The following B3GALT1 variants were observed in gnomAD, a reference collection of about 807,000 sequenced individuals.
The protein encoded by B3GALT1 is UDP-Gal:betaGlcNAc beta 1,3-galactosyltransferase, polypeptide 1.
A neutral mutation model predicts 23.2 loss-of-function variants in B3GALT1; 10 were observed. That is an observed-to-expected ratio of 0.43 (90% confidence interval 0.27 to 0.73). The LOEUF is 0.73. Among genes scored for constraint, B3GALT1 ranks in the 30% least tolerant of loss-of-function variants. The pLI, the probability that B3GALT1 is intolerant of heterozygous loss-of-function variation, is 0.21. For missense variants in B3GALT1, 299 were observed against 405.4 expected (o/e 0.74, Z 2.25); for synonymous variants, 156 against 141.5 (o/e 1.10, Z -0.73).
intron 2 of B3GALT1, among the ~76,000 whole-genome samples, chr2:167,595,970 G>T (rs1422496248): frequency 6.6e-6 from 1 of 152,144 alleles, no homozygotes; most frequent in African/African-American, 2.4e-5. Context: ...TAAGAGAAAG[G>T]CAAAGCTCCT....
At chr2:167,661,058 C>T (rs888042147) in intron 3 of B3GALT1, among the ~76,000 whole-genome samples, 3 of 152,106 alleles carry the variant, frequency 2.0e-5, no homozygotes, top group African/African-American at 7.2e-5. Flanking sequence ...ACACTGTAAT[C>T]TCTGGATTTT....
intron 3 of B3GALT1, among the ~76,000 whole-genome samples, chr2:167,760,778 T>C (rs1450592514): frequency 1.3e-5 from 2 of 152,198 alleles, no homozygotes; most frequent in Non-Finnish European, 2.9e-5. Context: ...AGCTACCTAC[T>C]AAGTGGAACT....
intron 3 of B3GALT1, among the ~76,000 whole-genome samples, chr2:167,785,228 G>A (rs990609879): frequency 6.6e-6 from 1 of 152,180 alleles, no homozygotes; most frequent in Non-Finnish European, 1.5e-5. Flanking sequence ...TCGAAAGACT[G>A]GATCTGAGTT....
intron 3 of B3GALT1, among the ~76,000 whole-genome samples, chr2:167,752,962 C>T (rs903672985): frequency 2.0e-5 from 3 of 152,164 alleles, no homozygotes; most frequent in Admixed American, 1.3e-4. Flanking sequence ...GATAACTCTG[C>T]ATGTGAATAG....
At chr2:167,696,336 T>C (rs975342044) in intron 3 of B3GALT1, among the ~76,000 whole-genome samples, 13 of 147,646 alleles carry the variant, frequency 8.8e-5, no homozygotes, top group African/African-American at 1.2e-4. Flanking sequence ...CTGTCAAAGC[T>C]ATCAAGAGGA....
intron 4 of B3GALT1, among the ~76,000 whole-genome samples, chr2:167,827,876 T>C (rs555448972): frequency 6.6e-6 from 1 of 152,208 alleles, no homozygotes; most frequent in Non-Finnish European, 1.5e-5. Context: ...CACTGAGCCC[T>C]AGAGAGACTG....
chr2:167,325,646 G>C (rs1308086913), intron 1 of B3GALT1, among the ~76,000 whole-genome samples: 1 of 151,058 alleles, frequency 6.6e-6, no homozygotes, highest in Non-Finnish European at 1.5e-5. Flanking sequence ...AAGTGGGATT[G>C]CTGGATTGTA....
intron 1 of B3GALT1, among the ~76,000 whole-genome samples, chr2:167,367,925 C>G (rs897665300): frequency 1.4e-4 from 21 of 152,268 alleles, no homozygotes; most frequent in African/African-American, 4.8e-4. Context: ...AACAGGACTT[C>G]AAAAGCAAGA....
At chr2:167,338,884 C>T (rs1697102702) in intron 1 of B3GALT1, among the ~76,000 whole-genome samples, 1 of 151,898 alleles carries the variant, frequency 6.6e-6, no homozygotes, top group Non-Finnish European at 1.5e-5. Context: ...TATAAAAATC[C>T]TCCAATAAAT....
intron 3 of B3GALT1, among the ~76,000 whole-genome samples, chr2:167,797,679 A>G (rs773753033): frequency 6.6e-6 from 1 of 151,280 alleles, no homozygotes; most frequent in Non-Finnish European, 1.5e-5. Flanking sequence ...TCTGACTGGT[A>G]TGAGATGTAT....
intron 3 of B3GALT1, among the ~76,000 whole-genome samples, chr2:167,694,052 G>A (rs982463943): frequency 2.0e-5 from 3 of 152,078 alleles, no homozygotes; most frequent in African/African-American, 7.2e-5. Flanking sequence ...AAGCTATGGT[G>A]ACTGGAGCAG....
intron 3 of B3GALT1, among the ~76,000 whole-genome samples, chr2:167,660,466 T>C (rs140484695): frequency 6.6e-6 from 1 of 152,210 alleles, no homozygotes; most frequent in Admixed American, 6.5e-5. Flanking sequence ...ATTGCAAAGG[T>C]ACTGTGAGGG....
intron 1 of B3GALT1, among the ~76,000 whole-genome samples, chr2:167,383,193 CT>C (rs75009286): frequency 0.027 from 3,620 of 134,420 alleles, 39 homozygotes; most frequent in African/African-American, 0.043. Context: ...TGTGCAGTGC[CT>C]TTTTTTTTTT....
chr2:167,869,520 A>G lies in B3GALT1; in HGVS notation c.481A>G (p.Arg161Gly). 1.9e-6 allele frequency: 3 copies of G among 1,614,094 alleles called. No individual in the cohort carries two copies. The highest frequency in any genetic ancestry group is 1.7e-6 in the Non-Finnish European group (2 of 1,180,040). Residue 161 changes from arginine (R) to glycine (G), a missense_variant, in exon 5 of 5, where the codon AGA becomes GGA. Physicochemically the swap from Arg to Gly is moderately radical, Grantham distance 125. Around this residue, in one of 3 missense-constraint regions of B3GALT1, gnomAD observed 4 missense variants for 16.5 expected, o/e 0.24. Coordinates refer to ENST00000392690, the MANE Select transcript of B3GALT1 (RefSeq NM_020981.4). The surrounding 1 kb of genome is among the most constrained non-coding windows in gnomAD (Gnocchi z 6.4). ...TACCCTCAAAACATTAATGGGGATG[A>G]GATGGGTGGCCACTTTTTGTTCAAA... is the stretch of plus-strand genomic sequence containing the variant. The part of the protein sequence containing the change: ...NLTLKTLMGM[R>G]WVATFCSKAK...
chr2:167,614,517 A>C (rs1685123475), intron 2 of B3GALT1, among the ~76,000 whole-genome samples: 1 of 151,942 alleles, frequency 6.6e-6, no homozygotes, highest in Non-Finnish European at 1.5e-5. Context: ...CAAAGTTCTT[A>C]GAAAAAATGT....
chr2:167,577,981 T>A (rs1684413924), intron 2 of B3GALT1, among the ~76,000 whole-genome samples: 1 of 151,974 alleles, frequency 6.6e-6, no homozygotes, highest in Admixed American at 6.6e-5. Context: ...ATTGAGTATA[T>A]TAAAATCTTG....
In B3GALT1 at chr2:167,723,197, A is replaced by T. The variant is rs13389262; in HGVS notation, c.-352+76231A>T. On this transcript the variant is annotated intron_variant, in intron 3 of 4. Coordinates refer to ENST00000392690, the MANE Select transcript of B3GALT1 (RefSeq NM_020981.4). ...AAAGAAATAAAGCACAGCAGGTGAC[A>T]TGTTTAAACTACCTGAGAGAACAGA... is the stretch of plus-strand genomic sequence containing the variant. Among the ~76,000 whole-genome samples the T allele has an allele frequency of 2.6e-5, 4 of 152,062 alleles. No homozygotes were observed. The East Asian group carries it at 7.7e-4, about 29-fold the overall frequency.
chr2:167,475,801 A>G (rs1006402090), intron 1 of B3GALT1, among the ~76,000 whole-genome samples: 1 of 152,104 alleles, frequency 6.6e-6, no homozygotes, highest in Non-Finnish European at 1.5e-5. Flanking sequence ...TTGCGATCTA[A>G]GTAAAGGCAG....
intron 3 of B3GALT1, among the ~76,000 whole-genome samples, chr2:167,763,633 G>A (rs528809850): frequency 6.9e-6 from 1 of 144,972 alleles, no homozygotes; most frequent in Non-Finnish European, 1.5e-5. Flanking sequence ...AGAGGTTGCA[G>A]CGACCCGAGA....
Sources: gnomAD v4.1 joint callset for allele counts (sites outside exome capture counted in the v4.1 genomes callset) on GRCh38, gnomAD v4.1.1 for gene constraint, gnomAD v4.1.1 regional missense constraint, Gnocchi (gnomAD v3.1) non-coding constraint, MANE v1.5 for transcripts, NCBI Gene and HGNC (gene_info 2026-07-23, HGNC 2026-07-21) for gene names.